Variants in PTBP3 observed in about 807,000 individuals in gnomAD.
The protein encoded by PTBP3 is polypyrimidine tract binding protein 3.
A neutral mutation model predicts 58.7 loss-of-function variants in PTBP3; 20 were observed. The observed-to-expected ratio is 0.34, with a 90% CI of 0.24 to 0.50. The LOEUF (loss-of-function observed/expected upper bound fraction) is 0.50. Ranked by LOEUF, PTBP3 falls within the 20% of genes least tolerant of loss-of-function variation. The pLI is 0.98. For synonymous variants in PTBP3, 185 were observed against 219.8 expected (o/e 0.84, Z 1.40); for missense variants, 509 against 637.2 (o/e 0.80, Z 2.17).
chr9:112,377,817 T>C, the PTBP3 span, among the ~76,000 whole-genome samples: 4 of 152,184 alleles, frequency 2.6e-5, no homozygotes, highest in Non-Finnish European at 5.9e-5. Context: ...TCCCAGGACT[T>C]TACACCAGAA....
At chr9:112,242,737 T>C (rs1444300003) in intron 7 of PTBP3, 1 of 152,228 alleles carries the variant, frequency 6.6e-6, no homozygotes, top group Non-Finnish European at 1.5e-5. Flanking sequence ...AACTTAAGTG[T>C]AGACATCTGA....
rs543135492 is a variant in PTBP3, at chr9:112,219,164, C to T, written c.*4687G>A. 6.5e-6 allele frequency: 1 copy of T among 152,738 alleles called. No homozygotes were observed. The highest frequency in any genetic ancestry group is 2.4e-5 in the African/African-American group (1 of 41,562). 9.5% of individuals were successfully genotyped at this position (152,738 alleles called of 1,614,324 possible). On this transcript the variant is annotated 3_prime_UTR_variant, in exon 14 of 14. Transcript: ENST00000374257. Reference sequence around the variant, plus strand: ...TTACAGAGAGGAGTTAAAACCACAACAGTCAGTCTTTGGTCAGAGCAATGA... The same window carrying T: ...TTACAGAGAGGAGTTAAAACCACAATAGTCAGTCTTTGGTCAGAGCAATGA...
chr9:112,306,459 C>CA (rs34048627), intron 1 of PTBP3, among the ~76,000 whole-genome samples: 117,923 of 142,410 alleles, frequency 0.83, 48,475 homozygotes, highest in South Asian at 0.92. Flanking sequence ...TGTGCCTGGG[C>CA]AAAAAAAAAA....
Position 112,260,965 on chromosome 9 carries a change from C to T in PTBP3, c.516+1470G>A, listed in dbSNP as rs148287418. On this transcript the variant is annotated intron_variant, in intron 5 of 13. Transcript: ENST00000374257. ...GATAAATGAAATTATAAGACAGGACCACATGACTGTAGCTAAACTTGCTGC... is the reference window on the plus strand; with the variant it reads ...GATAAATGAAATTATAAGACAGGACTACATGACTGTAGCTAAACTTGCTGC... 1.1e-3 allele frequency among the ~76,000 whole-genome samples: 162 copies of T among 152,232 alleles called. 1 individual carries two copies. Among genetic ancestry groups the T allele is most frequent in the South Asian group, 4.8e-3 (23 of 4,816 alleles).
At chr9:112,226,142 A>G (rs1475801668) in intron 12 of PTBP3, among the ~76,000 whole-genome samples, 1 of 151,994 alleles carries the variant, frequency 6.6e-6, no homozygotes, top group Non-Finnish European at 1.5e-5. Context: ...CTCCACAGTA[A>G]TGAGCTGCTA....
intron 1 of PTBP3, among the ~76,000 whole-genome samples, chr9:112,320,114 T>C (rs1361827314): frequency 1.3e-5 from 2 of 151,540 alleles, no homozygotes; most frequent in African/African-American, 4.9e-5. Flanking sequence ...GACTATATAC[T>C]TCAGTTTTTA....
In PTBP3 at chr9:112,307,005, T is replaced by G. The variant is rs1829248587; in HGVS notation, c.-51-9089A>C. Among the ~76,000 whole-genome samples, 3 of 152,190 alleles carry G rather than the reference T, an allele frequency of 2.0e-5. No homozygotes were observed. In the South Asian group the frequency reaches 6.2e-4, roughly 31 times the overall value. ...AAAATAAACAATTACATTTGATAAT[T>G]CTACTTCAATTCTATTTCAATGATA... On this transcript the variant is annotated intron_variant, in intron 1 of 13. Coordinates refer to ENST00000374257, the MANE Select transcript of PTBP3 (RefSeq NM_001163788.4).
intron 2 of PTBP3, among the ~76,000 whole-genome samples, chr9:112,290,737 C>T (rs1016617349): frequency 5.4e-5 from 8 of 146,918 alleles, no homozygotes; most frequent in African/African-American, 2.0e-4. Context: ...CACACACACA[C>T]AATCAAGTGT....
intron 6 of PTBP3, among the ~76,000 whole-genome samples, chr9:112,251,772 C>T (rs1836129028): frequency 6.6e-6 from 1 of 151,906 alleles, no homozygotes; most frequent in Admixed American, 6.6e-5. Context: ...AAATAGATAC[C>T]AGAAAGCAAA....
intron 2 of PTBP3, among the ~76,000 whole-genome samples, chr9:112,290,019 T>C (rs1288393115): frequency 1.3e-5 from 2 of 152,166 alleles, no homozygotes; most frequent in Non-Finnish European, 2.9e-5. Context: ...TTGAAGAACA[T>C]TTCTAATAAG....
intron 5 of PTBP3, among the ~76,000 whole-genome samples, chr9:112,256,001 C>A (rs953090255): frequency 1.3e-5 from 2 of 151,950 alleles, no homozygotes; most frequent in East Asian, 1.9e-4. Flanking sequence ...CGCCTGTAAT[C>A]CCAGCACTTT....
At position 112,311,580 on chromosome 9, in the gene PTBP3, A is replaced by G. The variant is rs191942135; in HGVS notation, c.-51-13664T>C. On this transcript the variant is annotated intron_variant, in intron 1 of 13. Transcript: ENST00000374257. The stretch of plus-strand genomic sequence containing the variant: ...ATACATGCAGGCAGACTTCACCTAT[A>G]CAGAGCCAACTGGAGAACTTGAGTA... Among the ~76,000 whole-genome samples the G allele has an allele frequency of 2.6e-3, 392 of 152,266 alleles. 1 individual carries two copies. Among genetic ancestry groups the G allele is most frequent in the African/African-American group, 8.9e-3 (370 of 41,542 alleles).
At chr9:112,218,127 G>A (rs563715199), downstream of PTBP3, 1 of 152,332 alleles carries the variant, frequency 6.6e-6, no homozygotes, top group South Asian at 2.1e-4. Flanking sequence ...AAAGGAGAGT[G>A]AGTGTGCAAG....
intron 8 of PTBP3, among the ~76,000 whole-genome samples, chr9:112,232,917 T>C (rs933063562): frequency 2.0e-5 from 3 of 152,156 alleles, no homozygotes; most frequent in Non-Finnish European, 2.9e-5. Flanking sequence ...GCTTAAAACC[T>C]GTCTAAGGTA....
In PTBP3 at chr9:112,241,381, G is replaced by C; in HGVS notation, c.803-6484C>G. 1.3e-5 allele frequency among the ~76,000 whole-genome samples: 2 copies of C among 152,176 alleles called. 1 individual carries two copies. Among genetic ancestry groups the C allele is most frequent in the Admixed American group, 1.3e-4 (2 of 15,272 alleles). On this transcript the variant is annotated intron_variant, in intron 7 of 13. Transcript: ENST00000374257. ...GGCCTCCCAAAGTGCTGGGATTACA[G>C]GGTGAGCCACCATGCCTGGGCAAGC...
chr9:112,268,150 T>C lies in PTBP3; in HGVS notation c.250A>G (p.Asn84Asp), dbSNP rs1489892574. 1 of 1,613,276 alleles carries C rather than the reference T, an allele frequency of 6.2e-7. No individual in the cohort carries two copies. Among genetic ancestry groups the C allele is most frequent in the Admixed American group, 1.7e-5 (1 of 59,758 alleles). ...TGAGGAGTAATAGGAGTGTAATAAT[T>C]CACCATAGTAACGGCAGCTTCCTCA... ...ASEEAAVTMV[N>D]YYTPITPHLR... Residue 84 changes from asparagine (N) to aspartate (D), a missense_variant, in exon 4 of 14, where the codon AAT becomes GAT. This residue lies in a region of PTBP3 where 212 missense variants were observed against 215.3 expected (regional missense o/e 0.98). Transcript: ENST00000374257.
In PTBP3 at chr9:112,231,981, GAA is replaced by G. The variant is rs1564391518; in HGVS notation, c.1020+116_1020+117del. 45 of 362,266 alleles carry G rather than the reference GAA, an allele frequency of 1.2e-4. 1 individual carries two copies. Among genetic ancestry groups the G allele is most frequent in the African/African-American group, 9.1e-4 (13 of 14,266 alleles). The allele number at this position is 362,266 out of a possible 1,614,324, so 22.4% of individuals were successfully genotyped here. ...AGAGAAGAGAAGAGAGAAGAGAAGAGAAGAGAAGAGAAGAGAAGAGAAGAGAA... is the reference window on the plus strand; with the variant it reads ...AGAGAAGAGAAGAGAGAAGAGAAGAGGAGAAGAGAAGAGAAGAGAAGAGAA... On this transcript the variant is annotated intron_variant, in intron 9 of 13. Transcript: ENST00000374257.
intron 1 of PTBP3, among the ~76,000 whole-genome samples, chr9:112,313,123 A>G (rs1438170484): frequency 1.3e-5 from 2 of 152,210 alleles, no homozygotes; most frequent in Non-Finnish European, 2.9e-5. Flanking sequence ...TAAAGATAAC[A>G]TGATCATATA....
chr9:112,251,067 T>C lies in PTBP3; in HGVS notation c.664A>G (p.Thr222Ala), dbSNP rs1486278364. The C allele has an allele frequency of 6.2e-7, 1 of 1,607,816 alleles. No homozygotes were observed. The highest frequency in any genetic ancestry group is 1.7e-5 in the Admixed American group (1 of 59,186). Residue 222 changes from threonine (T) to alanine (A), a missense_variant, in exon 7 of 14, where the codon ACT becomes GCT. Physicochemically the swap from Thr to Ala is moderately conservative, Grantham distance 58 (BLOSUM62 0). Transcript: ENST00000374257. The stretch of plus-strand genomic sequence containing the variant: ...AGCTTGGAGAAGTCAATGCGCAGAG[T>C]GCAGCATGCATTATAGATATTCTGG... ...DGQNIYNACC[T>A]LRIDFSKLTS... is the part of the protein sequence containing the mutation.
Sources: allele counts gnomAD v4.1 joint callset (sites outside exome capture counted in the v4.1 genomes callset), GRCh38; gene constraint gnomAD v4.1.1; regional missense constraint gnomAD v4.1.1; transcripts MANE v1.5; gene names NCBI Gene and HGNC (gene_info 2026-07-23, HGNC 2026-07-21).